UBR2: variants seen among roughly 807,000 people sequenced by gnomAD.
UBR2 encodes the protein E3 ubiquitin-protein ligase UBR2.
A neutral mutation model predicts 247.9 loss-of-function variants in UBR2; 92 were observed. The observed-to-expected ratio is 0.37, with a 90% CI of 0.31 to 0.44. The LOEUF is 0.44. UBR2 is among the 20% of genes least tolerant of loss of function. UBR2 has a pLI of 1.00. For missense variants in UBR2, 1,613 were observed against 2,112.6 expected, an observed-to-expected ratio of 0.76 and a Z score of 4.64; for synonymous variants, 672 against 693.5, an observed-to-expected ratio of 0.97 and a Z score of 0.49.
intron 7 of UBR2, among the ~76,000 whole-genome samples, chr6:42,607,843 A>G (rs938202210): frequency 1.3e-5 from 2 of 151,734 alleles, no homozygotes; most frequent in African/African-American, 4.8e-5. Context: ...CATATATTAA[A>G]TATCCATCAA....
rs373408719 is a variant in UBR2 at position 42,564,416 on chromosome 6, G to A, written c.78+19G>A. Reference sequence around the variant, plus strand: ...TGCGGGGGTGAGTGCCGGAACCCGGGCGGGTGCGTCTGCCCCTCGCAGGCC... The same window carrying A: ...TGCGGGGGTGAGTGCCGGAACCCGGACGGGTGCGTCTGCCCCTCGCAGGCC... On this transcript the variant is annotated intron_variant, in intron 1 of 46. Coordinates refer to ENST00000372901, the MANE Select transcript of UBR2 (RefSeq NM_001363705.2). 13 of 1,604,438 alleles carry A rather than the reference G, an allele frequency of 8.1e-6. No individual in the cohort carries two copies. Among genetic ancestry groups the A allele is most frequent in the Non-Finnish European group, 1.1e-5 (13 of 1,176,172 alleles).
Position 42,692,509 on chromosome 6 carries a change from A to G in UBR2, c.*1336A>G, listed in dbSNP as rs1223990067. On this transcript the variant is annotated 3_prime_UTR_variant, in exon 47 of 47. Transcript: ENST00000372901. ...GACTGCTGAGAGCTTGAATACATGC[A>G]GAGAGTGACTGAAGACTTAGTAGAG... 2.0e-5 allele frequency: 3 copies of G among 152,254 alleles called. No homozygotes were observed. Among genetic ancestry groups the G allele is most frequent in the Non-Finnish European group, 4.4e-5 (3 of 68,044 alleles). 9.4% of individuals were successfully genotyped at this position (152,254 alleles called of 1,614,324 possible).
chr6:42,678,751 A>T, intron 41 of UBR2, 82 bp downstream of exon 41: 2 of 1,465,360 alleles, frequency 1.4e-6, no homozygotes, highest in Non-Finnish European at 1.8e-6. Context: ...TGCAAAAATG[A>T]AAATTGACTA....
At chr6:42,676,002 G>T (rs770198227) in intron 38 of UBR2, 54 bp from the exon 39 acceptor site, 123 of 1,512,990 alleles carry the variant, frequency 8.1e-5, no homozygotes, top group Middle Eastern at 1.8e-4. Flanking sequence ...ATGGAAATTT[G>T]CTTAGCTGTG....
At chr6:42,650,242 T>C (rs766597155) in intron 22 of UBR2, 42 bp from the exon 23 acceptor site, 3 of 1,494,030 alleles carry the variant, frequency 2.0e-6, no homozygotes, top group Non-Finnish European at 2.8e-6. Flanking sequence ...TAAATTAGTG[T>C]ATGGCTTTGG....
intron 11 of UBR2, chr6:42,620,429 T>C (rs1794897866): frequency 6.6e-6 from 1 of 152,058 alleles, no homozygotes; most frequent in African/African-American, 2.4e-5. Context: ...GTTGGGTATA[T>C]ATACTACAAA....
intron 2 of UBR2, among the ~76,000 whole-genome samples, chr6:42,575,500 T>C (rs763081046): frequency 2.2e-4 from 33 of 152,202 alleles, no homozygotes; most frequent in Admixed American, 1.6e-3. Flanking sequence ...AGTTCCAAAT[T>C]ATTTGTATAT....
At chr6:42,654,115 T>C (rs1797291295) in intron 25 of UBR2, among the ~76,000 whole-genome samples, 2 of 152,174 alleles carry the variant, frequency 1.3e-5, no homozygotes, top group Admixed American at 1.3e-4. Context: ...TATCATTCTT[T>C]CTTTTTGTCT....
chr6:42,634,832 C>G (rs900351276), intron 13 of UBR2, among the ~76,000 whole-genome samples: 3 of 152,192 alleles, frequency 2.0e-5, no homozygotes, highest in Admixed American at 1.3e-4. Flanking sequence ...TTTCATGTAT[C>G]TGTGAAAACA....
chr6:42,591,659 G>T (rs1792672178), intron 2 of UBR2, among the ~76,000 whole-genome samples: 1 of 152,174 alleles, frequency 6.6e-6, no homozygotes, highest in Non-Finnish European at 1.5e-5. Flanking sequence ...AATTTAAGTA[G>T]AAATGTAAGT....
At chr6:42,644,933 T>C (rs575325475) in intron 20 of UBR2, among the ~76,000 whole-genome samples, 30 of 152,296 alleles carry the variant, frequency 2.0e-4, no homozygotes, top group African/African-American at 7.0e-4. Context: ...TCAGATACAA[T>C]AATTCCAAGC....
chr6:42,580,440 C>T (rs1024641193), intron 2 of UBR2, among the ~76,000 whole-genome samples: 20 of 152,238 alleles, frequency 1.3e-4, no homozygotes, highest in African/African-American at 4.6e-4. Flanking sequence ...AGGTAGGAAA[C>T]GCAAATTTAT....
intron 21 of UBR2, among the ~76,000 whole-genome samples, chr6:42,647,730 C>T (rs1043952430): frequency 2.0e-5 from 3 of 152,054 alleles, no homozygotes; most frequent in African/African-American, 7.2e-5. Context: ...TGAAAATAGA[C>T]AAGAAATTAG....
intron 44 of UBR2, among the ~76,000 whole-genome samples, chr6:42,687,047 G>A (rs1799460649): frequency 6.6e-6 from 1 of 152,186 alleles, no homozygotes; most frequent in Non-Finnish European, 1.5e-5. Flanking sequence ...AGACTGGGCG[G>A]CCGGGCAGAG....
At chr6:42,648,966 G>T (rs186793133) in intron 22 of UBR2, among the ~76,000 whole-genome samples, 6 of 151,918 alleles carry the variant, frequency 3.9e-5, no homozygotes, top group South Asian at 2.1e-4. Context: ...GTTTTATTGG[G>T]TTTTTTTAGT....
intron 23 of UBR2, among the ~76,000 whole-genome samples, chr6:42,650,662 T>C (rs1582645717): frequency 6.6e-6 from 1 of 152,188 alleles, no homozygotes; most frequent in African/African-American, 2.4e-5. Context: ...ACATTTTTAT[T>C]GTAGGGGATT....
At chr6:42,579,106 A>G (rs1406058353) in intron 2 of UBR2, among the ~76,000 whole-genome samples, 1 of 152,214 alleles carries the variant, frequency 6.6e-6, no homozygotes, top group Admixed American at 6.5e-5. Context: ...TATAAAGAAA[A>G]GAGGTTTAAT....
chr6:42,644,470 T>C lies in UBR2; in HGVS notation c.2221-3T>C, dbSNP rs762467119. 5.6e-6 allele frequency: 9 copies of C among 1,611,592 alleles called. No homozygotes were observed. The South Asian group carries it at 6.6e-5, about 12-fold the overall frequency. On this transcript the variant is annotated splice_polypyrimidine_tract_variant and splice_region_variant and intron_variant, in intron 19 of 46. Transcript: ENST00000372901. ...GAACTTTATCTTCCCTCACTTGTTA[T>C]AGGATGTTGTTCAGCAGAACAATAC...
chr6:42,686,034 T>C (rs564693442), intron 44 of UBR2, among the ~76,000 whole-genome samples: 20 of 152,226 alleles, frequency 1.3e-4, no homozygotes, highest in African/African-American at 4.3e-4. Flanking sequence ...ACATTAACTA[T>C]ATAAGTTTCT....
Sources: gnomAD v4.1 joint callset for allele counts (sites outside exome capture counted in the v4.1 genomes callset) on GRCh38, gnomAD v4.1.1 for gene constraint, MANE v1.5 for transcripts, NCBI Gene and HGNC (gene_info 2026-07-23, HGNC 2026-07-21) for gene names.